Variants in SORBS2 observed in about 807,000 individuals in gnomAD.
The protein encoded by SORBS2 is sorbin and SH3 domain containing 2, also known as sorbin and SH3 domain-containing protein 2.
SORBS2 carries 46 observed loss-of-function variants against 97.7 expected under a neutral mutation model. The observed-to-expected ratio is 0.47, with a 90% confidence interval of 0.37 to 0.60. The LOEUF (loss-of-function observed/expected upper bound fraction) is 0.60. Among genes scored for constraint, SORBS2 ranks in the 20% least tolerant of loss-of-function variants. SORBS2 has a pLI of 0.00. For missense variants in SORBS2, 1,316 were observed against 1,282.3 expected (o/e 1.03, Z -0.40); for synonymous variants, 476 against 473.4 (o/e 1.01, Z -0.07).
chr4:185,841,294 A>G (rs931007068), intron 1 of SORBS2, among the ~76,000 whole-genome samples: 7 of 152,258 alleles, frequency 4.6e-5, no homozygotes, highest in Admixed American at 3.3e-4. Context: ...GCCAAAAACA[A>G]TGAGGGCCTA....
chr4:185,859,052 G>A (rs1042293044), intron 1 of SORBS2, among the ~76,000 whole-genome samples: 6 of 151,952 alleles, frequency 3.9e-5, no homozygotes, highest in African/African-American at 1.2e-4. Flanking sequence ...AAGGCTAGTC[G>A]AAAACAAGCA....
At chr4:185,690,955 A>AGT (rs1336510524) in intron 2 of SORBS2, among the ~76,000 whole-genome samples, 1 of 151,078 alleles carries the variant, frequency 6.6e-6, no homozygotes, top group Non-Finnish European at 1.5e-5. Context: ...GCCACAGTGT[A>AGT]GTGGTGCGAT....
intron 2 of SORBS2, among the ~76,000 whole-genome samples, chr4:185,763,545 C>A (rs2098916712): frequency 6.6e-6 from 1 of 152,170 alleles, no homozygotes; most frequent in Non-Finnish European, 1.5e-5. Context: ...GGTTTTCATG[C>A]CACATAAACT....
intron 2 of SORBS2, 183 bp downstream of exon 3, chr4:185,733,915 GA>G (rs2098663746): frequency 6.6e-6 from 1 of 152,322 alleles, no homozygotes; most frequent in African/African-American, 2.4e-5. Context: ...ATGCTGCTGG[GA>G]GTGGCACGTA....
intron 2 of SORBS2, among the ~76,000 whole-genome samples, chr4:185,694,193 G>A (rs1321273093): frequency 6.6e-6 from 1 of 152,196 alleles, no homozygotes; most frequent in Non-Finnish European, 1.5e-5. Context: ...AAACTAAAGC[G>A]AATCTAATCT....
At chr4:185,922,485 G>A (rs1182854430) in intron 1 of SORBS2, among the ~76,000 whole-genome samples, 1 of 152,182 alleles carries the variant, frequency 6.6e-6, no homozygotes, top group African/African-American at 2.4e-5. Flanking sequence ...TCATGGAATT[G>A]AGCCTCAGAA....
chr4:185,955,458 C>G (rs1305398285), intron 1 of SORBS2, among the ~76,000 whole-genome samples: 1 of 152,150 alleles, frequency 6.6e-6, no homozygotes, highest in Non-Finnish European at 1.5e-5. Context: ...TTGATGGGGC[C>G]AAGAGACAAA....
chr4:185,827,825 CCATCATCATCATCAT>C (rs759738430), intron 1 of SORBS2, among the ~76,000 whole-genome samples: 1 of 137,642 alleles, frequency 7.3e-6, no homozygotes, highest in Non-Finnish European at 1.6e-5. Context: ...ATCACCGTCA[CCATCATCATCATCAT>C]CGTCACCATC....
At chr4:185,776,644 G>A (rs745620990) in intron 1 of SORBS2, among the ~76,000 whole-genome samples, 3 of 152,060 alleles carry the variant, frequency 2.0e-5, no homozygotes, top group Non-Finnish European at 2.9e-5. Flanking sequence ...GCTCAGGCCC[G>A]TAATCCAGCA....
intron 1 of SORBS2, among the ~76,000 whole-genome samples, chr4:185,845,835 G>A (rs1467532147): frequency 6.6e-6 from 1 of 152,184 alleles, no homozygotes; most frequent in East Asian, 1.9e-4. Context: ...TAATCATTAG[G>A]AAAATGCAAA....
intron 1 of SORBS2, among the ~76,000 whole-genome samples, chr4:185,951,652 T>C (rs1270665920): frequency 2.0e-5 from 3 of 152,212 alleles, no homozygotes; most frequent in Non-Finnish European, 2.9e-5. Flanking sequence ...TACCATAAGG[T>C]GCCAGGATCC....
At chr4:185,591,167 G>A (rs180794844) in intron 13 of SORBS2, among the ~76,000 whole-genome samples, 2 of 152,268 alleles carry the variant, frequency 1.3e-5, no homozygotes, top group African/African-American at 2.4e-5. Context: ...CATTTGGACT[G>A]GGGGAGCTGG....
intron 1 of SORBS2, among the ~76,000 whole-genome samples, chr4:185,868,173 T>TTTTTTTTTTTTTTTGC (rs2099228273): frequency 7.0e-6 from 1 of 142,342 alleles, no homozygotes; most frequent in African/African-American, 2.6e-5. Context: ...TTTTTTTTTT[T>TTTTTTTTTTTTTTTGC]TGAGGCAGAG....
At chr4:185,586,375 A>AAAG (rs2153346827) in exon 15 of SORBS2, 1 of 152,786 alleles carries the variant, frequency 6.5e-6, no homozygotes, top group South Asian at 2.1e-4. Context: ...TTGCTTCTAA[A>AAAG]AAGTGCCTAA....
intron 1 of SORBS2, among the ~76,000 whole-genome samples, chr4:185,900,992 C>A (rs1021535242): frequency 6.6e-6 from 1 of 152,216 alleles, no homozygotes; most frequent in African/African-American, 2.4e-5. Flanking sequence ...CTAACATTTG[C>A]AATCTCAATT....
chr4:185,698,727 T>G lies in SORBS2; in HGVS notation c.-197-19905A>C, dbSNP rs4272056. ...CATATGTTTCTTCCTCTAAGACTAA[T>G]AGGAAAACAGTGGTTGATTATGACA... On this transcript the variant is annotated intron_variant, in intron 2 of 20. Coordinates refer to the SORBS2 transcript ENST00000284776. Among the ~76,000 whole-genome samples the G allele has an allele frequency of 1.3e-5, 2 of 151,966 alleles. 1 individual carries two copies. The highest frequency in any genetic ancestry group is 4.1e-4 in the South Asian group (2 of 4,832).
At chr4:185,650,387 A>G (rs1256674829) in intron 2 of SORBS2, among the ~76,000 whole-genome samples, 1 of 152,080 alleles carries the variant, frequency 6.6e-6, no homozygotes, top group Admixed American at 6.6e-5. Context: ...GGGAGCAGGG[A>G]TGGTATAGAA....
At chr4:185,826,736 G>A (rs150719499) in intron 1 of SORBS2, among the ~76,000 whole-genome samples, 26 of 152,252 alleles carry the variant, frequency 1.7e-4, no homozygotes, top group South Asian at 6.2e-4. Flanking sequence ...GTGATGTATA[G>A]GGCACTGTAG....
At chr4:185,862,313 A>T (rs2099224302) in intron 1 of SORBS2, among the ~76,000 whole-genome samples, 1 of 152,226 alleles carries the variant, frequency 6.6e-6, no homozygotes. Context: ...GCCTTGTAGG[A>T]CATGGTATGG....
Sources: allele counts gnomAD v4.1 joint callset (sites outside exome capture counted in the v4.1 genomes callset), GRCh38; gene constraint gnomAD v4.1.1; transcripts MANE v1.5; gene names NCBI Gene and HGNC (gene_info 2026-07-23, HGNC 2026-07-21).